Variants in CADPS observed in about 807,000 individuals in gnomAD.
CADPS encodes the protein calcium dependent secretion activator.
In CADPS, 57 loss-of-function variants were observed where a neutral mutation model predicts 167.3. The ratio of observed to expected loss-of-function variants is 0.34; its 90% CI spans 0.28 to 0.42. CADPS has a LOEUF of 0.42. Among genes scored for constraint, CADPS ranks in the 20% least tolerant of loss-of-function variants. CADPS has a pLI of 1.00. For synonymous variants in CADPS, 676 were observed against 635.3 expected, an observed-to-expected ratio of 1.06 and a Z score of -0.96; for missense variants, 1,414 against 1,738.1, an observed-to-expected ratio of 0.81 and a Z score of 3.32.
chr3:62,498,891 A>C (rs534020053), intron 18 of CADPS, among the ~76,000 whole-genome samples: 1 of 152,302 alleles, frequency 6.6e-6, no homozygotes, highest in Admixed American at 6.5e-5. Context: ...ATGCTGCTTG[A>C]ATGATTAACT....
intron 6 of CADPS, among the ~76,000 whole-genome samples, chr3:62,610,511 A>G (rs2061361960): frequency 6.6e-6 from 1 of 152,148 alleles, no homozygotes; most frequent in Admixed American, 6.5e-5. Context: ...TCGGCCTCCC[A>G]AAGTGTTAGG....
At chr3:62,789,540 G>C (rs1374216245) in intron 1 of CADPS, among the ~76,000 whole-genome samples, 7 of 152,116 alleles carry the variant, frequency 4.6e-5, no homozygotes, top group Admixed American at 1.3e-4. Flanking sequence ...GTTGTTCTTT[G>C]AGACTCAGTA....
At chr3:62,588,823 A>G (rs960269289) in intron 7 of CADPS, among the ~76,000 whole-genome samples, 3 of 152,184 alleles carry the variant, frequency 2.0e-5, no homozygotes, top group Non-Finnish European at 4.4e-5. Flanking sequence ...CACCAAATAT[A>G]ATGATTTCAG....
chr3:62,820,799 T>TG (rs1029426033), intron 1 of CADPS, among the ~76,000 whole-genome samples: 1 of 150,964 alleles, frequency 6.6e-6, no homozygotes, highest in African/African-American at 2.4e-5. Flanking sequence ...TTTTTGGTTT[T>TG]TTTTTTTTTT....
chr3:62,707,764 T>A (rs896279905), intron 3 of CADPS, among the ~76,000 whole-genome samples: 1 of 152,170 alleles, frequency 6.6e-6, no homozygotes, highest in Non-Finnish European at 1.5e-5. Flanking sequence ...AAGTAATATT[T>A]TAGATATGTT....
At chr3:62,516,673 TA>T in intron 14 of CADPS, 30 bp from the exon 15 acceptor site, 1 of 1,522,186 alleles carries the variant, frequency 6.6e-7, no homozygotes, top group Non-Finnish European at 9.1e-7. Context: ...TCAGGTTGCC[TA>T]AATTATTACA....
intron 26 of CADPS, among the ~76,000 whole-genome samples, 174 bp from the exon 27 acceptor site, chr3:62,445,971 C>A (rs1293895231): frequency 6.6e-6 from 1 of 152,166 alleles, no homozygotes; most frequent in African/African-American, 2.4e-5. Context: ...AAGCCATAGC[C>A]ACTGCTTTGC....
chr3:62,695,103 G>A (rs1303728313), intron 3 of CADPS, among the ~76,000 whole-genome samples: 1 of 151,996 alleles, frequency 6.6e-6, no homozygotes, highest in East Asian at 1.9e-4. Context: ...TAAATTTACA[G>A]TTTAGTCTTT....
intron 28 of CADPS, among the ~76,000 whole-genome samples, chr3:62,425,610 G>T (rs929498673): frequency 1.3e-5 from 2 of 152,068 alleles, no homozygotes; most frequent in Admixed American, 1.3e-4. Flanking sequence ...AAAATTACAC[G>T]CATATAAAAA....
chr3:62,847,014 A>T (rs1290449284), intron 1 of CADPS, among the ~76,000 whole-genome samples: 1 of 152,132 alleles, frequency 6.6e-6, no homozygotes, highest in East Asian at 1.9e-4. Flanking sequence ...ATTTGAATAT[A>T]TTTGATGTGT....
chr3:62,843,477 C>T lies in CADPS; in HGVS notation c.441+31112G>A, dbSNP rs140807030. On this transcript the variant is annotated intron_variant, in intron 1 of 29. Transcript: ENST00000383710. The stretch of plus-strand genomic sequence containing the variant: ...TACCCCCAAATAATAGTGATATATA[C>T]AAGATGGCAGTTGGGGTGTGTGTGT... 6.8e-5 allele frequency among the ~76,000 whole-genome samples: 9 copies of T among 132,362 alleles called. No homozygotes were observed. The East Asian group carries it at 1.6e-3, about 24-fold the overall frequency. 86.8% of individuals were successfully genotyped at this position (132,362 alleles called of 152,430 possible).
rs984732440 is a variant in CADPS at position 62,804,401 on chromosome 3, T to C, written c.442-38417A>G. Among the ~76,000 whole-genome samples, 6 of 152,138 alleles carry C rather than the reference T, an allele frequency of 3.9e-5. No individual in the cohort carries two copies. In the South Asian group the frequency reaches 1.2e-3, roughly 32 times the overall value. ...CACTGTTGCCAGGGGCGATTCTGGG[T>C]AGAATAGGGCTGAGTTGGGTGAGAG... On this transcript the variant is annotated intron_variant, in intron 1 of 29. Transcript: ENST00000383710.
chr3:62,856,414 T>C (rs2079698368), intron 1 of CADPS, among the ~76,000 whole-genome samples: 1 of 152,184 alleles, frequency 6.6e-6, no homozygotes, highest in Non-Finnish European at 1.5e-5. Flanking sequence ...ATATCAGCTT[T>C]CTTTATGTTA....
In CADPS at chr3:62,602,042, T is replaced by C. The variant is rs1045492551; in HGVS notation, c.1326-9294A>G. ...ATATGTTATCAACAAATGTTGCTAA[T>C]CAAATACACACAGTAATTTTCATTA... On this transcript the variant is annotated intron_variant, in intron 6 of 29. Coordinates refer to ENST00000383710, the MANE Select transcript of CADPS (RefSeq NM_003716.4). The surrounding 1 kb of genome is among the most constrained non-coding windows in gnomAD (Gnocchi z 4.4). Among the ~76,000 whole-genome samples the C allele has an allele frequency of 1.3e-5, 2 of 152,044 alleles. No homozygotes were observed. Among genetic ancestry groups the C allele is most frequent in the Admixed American group, 6.6e-5 (1 of 15,262 alleles).
intron 28 of CADPS, among the ~76,000 whole-genome samples, chr3:62,435,949 A>G (rs950359621): frequency 2.7e-5 from 4 of 148,590 alleles, no homozygotes; most frequent in African/African-American, 5.0e-5. Context: ...ATTTCTTTTT[A>G]CTATTAATTT....
intron 1 of CADPS, among the ~76,000 whole-genome samples, chr3:62,832,119 A>G (rs971611403): frequency 6.6e-6 from 1 of 152,230 alleles, no homozygotes; most frequent in African/African-American, 2.4e-5. Flanking sequence ...AGAGTTATAC[A>G]AGAAAAACAG....
chr3:62,549,367 G>A (rs776571651), intron 11 of CADPS, among the ~76,000 whole-genome samples: 3 of 151,578 alleles, frequency 2.0e-5, no homozygotes, highest in Non-Finnish European at 4.4e-5. Context: ...AATATGAACT[G>A]GGGCTGTTTA....
At chr3:62,863,546 C>T (rs1186417195) in intron 1 of CADPS, among the ~76,000 whole-genome samples, 4 of 152,200 alleles carry the variant, frequency 2.6e-5, no homozygotes, top group Middle Eastern at 3.4e-3. Flanking sequence ...GACACTGAGG[C>T]TCACAAAGAG....
intron 1 of CADPS, among the ~76,000 whole-genome samples, chr3:62,799,007 C>T (rs1169584879): frequency 2.0e-5 from 3 of 152,120 alleles, no homozygotes; most frequent in Non-Finnish European, 4.4e-5. Flanking sequence ...CCTAGTATTA[C>T]CCTATAGAGC....
Sources: gnomAD v4.1 joint callset for allele counts (sites outside exome capture counted in the v4.1 genomes callset) on GRCh38, gnomAD v4.1.1 for gene constraint, Gnocchi (gnomAD v3.1) non-coding constraint, MANE v1.5 for transcripts, NCBI Gene and HGNC (gene_info 2026-07-23, HGNC 2026-07-21) for gene names.